The following XIRP2 variants were observed in gnomAD, a reference collection of about 807,000 sequenced individuals.
XIRP2 encodes xin actin binding repeat containing 2.
XIRP2 carries 236 observed loss-of-function variants against 277.0 expected under a neutral mutation model. That is an observed-to-expected ratio of 0.85 (90% CI 0.77 to 0.95). The LOEUF is 0.95. Ranked by LOEUF, XIRP2 falls within the 40% of genes least tolerant of loss-of-function variation. The pLI, the probability that XIRP2 is intolerant of heterozygous loss-of-function variation, is 0.00. For missense variants in XIRP2, 4,640 were observed against 4,157.5 expected (o/e 1.12, Z -3.19); for synonymous variants, 1,490 against 1,416.5 (o/e 1.05, Z -1.17).
At chr2:166,962,356 T>C (rs1274971130) in intron 2 of XIRP2, among the ~76,000 whole-genome samples, 1 of 151,628 alleles carries the variant, frequency 6.6e-6, no homozygotes, top group African/African-American at 2.4e-5. Flanking sequence ...ACCGTGCATA[T>C]GATGCAGTGA....
chr2:167,153,522 A>G (rs1692083745), intron 3 of XIRP2, among the ~76,000 whole-genome samples: 2 of 152,110 alleles, frequency 1.3e-5, no homozygotes, highest in South Asian at 4.2e-4. Context: ...CTCGTCATTT[A>G]GCATTAGGTA....
In XIRP2 at chr2:167,249,564, A is replaced by G. The variant is rs1231140859; in HGVS notation, c.8172A>G (p.Glu2724=). 1 of 1,613,728 alleles carries G rather than the reference A, an allele frequency of 6.2e-7. No homozygotes were observed. Among genetic ancestry groups the G allele is most frequent in the Admixed American group, 1.7e-5 (1 of 59,972 alleles). The part of the protein sequence containing the change: ...KLPTLDHTLN[E]TDHSYESHKQ... ...CAACTCTAGATCATACATTAAATGA[A>G]ACAGACCACAGCTATGAAAGTCATA... Residue 2724 remains glutamate, a synonymous_variant, in exon 9 of 11, where the codon GAA becomes GAG. Transcript: ENST00000409195.
chr2:167,031,267 G>T (rs1186525713), intron 2 of XIRP2, among the ~76,000 whole-genome samples: 1 of 152,026 alleles, frequency 6.6e-6, no homozygotes, highest in Non-Finnish European at 1.5e-5. Flanking sequence ...CCCATTAGTT[G>T]ATGCAGTTTC....
intron 2 of XIRP2, among the ~76,000 whole-genome samples, chr2:167,025,495 A>G (rs1047248774): frequency 1.3e-5 from 2 of 151,810 alleles, no homozygotes; most frequent in Non-Finnish European, 2.9e-5. Flanking sequence ...GCCTTCTGCT[A>G]GCTTTTGAAT....
intron 2 of XIRP2, among the ~76,000 whole-genome samples, chr2:166,962,810 G>T (rs939940348): frequency 2.0e-5 from 3 of 151,662 alleles, no homozygotes; most frequent in African/African-American, 7.3e-5. Flanking sequence ...TTCTAGAAAA[G>T]GTTGTAAATT....
chr2:167,124,794 G>A (rs1349329355), intron 2 of XIRP2, among the ~76,000 whole-genome samples: 1 of 152,126 alleles, frequency 6.6e-6, no homozygotes, highest in African/African-American at 2.4e-5. Context: ...GAAAATGGTG[G>A]CAAAGCGGGG....
intron 2 of XIRP2, among the ~76,000 whole-genome samples, chr2:166,921,456 G>T (rs999663455): frequency 2.0e-5 from 3 of 151,974 alleles, no homozygotes; most frequent in Non-Finnish European, 4.4e-5. Flanking sequence ...GCAATCATTT[G>T]TCCCTCTGCT....
intron 2 of XIRP2, among the ~76,000 whole-genome samples, chr2:167,069,759 C>T (rs1413127639): frequency 6.6e-6 from 1 of 152,156 alleles, no homozygotes; most frequent in African/African-American, 2.4e-5. Flanking sequence ...ACACAAAAGC[C>T]AGCTAACCTC....
chr2:167,243,930 A>G lies in XIRP2; in HGVS notation c.2538A>G (p.Glu846=). ...TDVSRKCWMF[E]TQPLDILKEV... ...TCTCCAGAAAGTGTTGGATGTTTGA[A>G]ACCCAGCCATTAGACATTCTAAAAG... Residue 846 remains glutamate (E), a synonymous_variant, in exon 9 of 11, where the codon GAA becomes GAG. Transcript: ENST00000409195. 6.2e-7 allele frequency: 1 copy of G among 1,614,070 alleles called. No homozygotes were observed. Among genetic ancestry groups the G allele is most frequent in the Non-Finnish European group, 8.5e-7 (1 of 1,179,970 alleles).
chr2:167,210,874 C>A lies in XIRP2; in HGVS notation c.702C>A (p.Asp234Glu), dbSNP rs371058689. The change falls in exon 4 of 11, where the codon GAC becomes GAA. Residue 234 changes from aspartate (D) to glutamate (E), a missense_variant. Transcript: ENST00000409195. ...ARYQAAVSRGDCRSFSANMME... is the reference protein window; with the variant it reads ...ARYQAAVSRGECRSFSANMME... ...ACCAGGCAGCTGTTTCCAGGGGTGA[C>A]TGCCGCAGCTTCTCTGCTAATGTAA... 9 of 1,614,112 alleles carry A rather than the reference C, an allele frequency of 5.6e-6. No individual in the cohort carries two copies. Among genetic ancestry groups the A allele is most frequent in the Non-Finnish European group, 6.8e-6 (8 of 1,179,988 alleles).
intron 3 of XIRP2, among the ~76,000 whole-genome samples, chr2:167,166,166 T>C (rs1019024528): frequency 1.3e-5 from 2 of 152,238 alleles, no homozygotes; most frequent in Non-Finnish European, 2.9e-5. Context: ...TCTATTTTCA[T>C]TTAGCTCAAA....
At chr2:166,934,710 C>A (rs1685443770) in intron 2 of XIRP2, among the ~76,000 whole-genome samples, 1 of 152,126 alleles carries the variant, frequency 6.6e-6, no homozygotes, top group Admixed American at 6.6e-5. Flanking sequence ...CTGCCACTTT[C>A]CTCTCAAAAA....
At chr2:167,079,055 G>A (rs962552314) in intron 2 of XIRP2, among the ~76,000 whole-genome samples, 7 of 152,048 alleles carry the variant, frequency 4.6e-5, no homozygotes, top group Admixed American at 6.5e-5. Flanking sequence ...TTTCCTGAGG[G>A]TTTTTATCAT....
chr2:167,243,399 G>A lies in XIRP2; in HGVS notation c.2007G>A (p.Met669Ile), dbSNP rs749630332. Reference sequence around the variant, plus strand: ...GGCCATTGGACTCAATGAATAAAATGCATCAAAGTCAAGAAGAATCAGCGG... The same window carrying A: ...GGCCATTGGACTCAATGAATAAAATACATCAAAGTCAAGAAGAATCAGCGG... The part of the protein sequence containing the change: ...ETRPLDSMNK[M>I]HQSQEESAVT... Residue 669 changes from methionine to isoleucine, a missense_variant, in exon 9 of 11, where the codon ATG (methionine) becomes ATA (isoleucine). Met to Ile is a conservative substitution (Grantham distance 10). Transcript: ENST00000409195. 22 of 1,613,884 alleles carry A rather than the reference G, an allele frequency of 1.4e-5. No individual in the cohort carries two copies. In the South Asian group the frequency reaches 2.3e-4, roughly 17 times the overall value.
chr2:166,935,049 A>G lies in XIRP2; in HGVS notation c.408+31159A>G, dbSNP rs185834309. ...CCTTCTCAGAAAAAAAAAAAGCACA[A>G]TGTGTGTGTAGATGCTTCGACAGTC... On this transcript the variant is annotated intron_variant, in intron 2 of 10. Transcript: ENST00000409195. 5.1e-4 allele frequency among the ~76,000 whole-genome samples: 77 copies of G among 151,902 alleles called. 1 individual carries two copies. In the East Asian group the frequency reaches 9.3e-3, roughly 18 times the overall value.
At chr2:166,933,227 C>A (rs1368217493) in intron 2 of XIRP2, among the ~76,000 whole-genome samples, 1 of 151,064 alleles carries the variant, frequency 6.6e-6, no homozygotes, top group Non-Finnish European at 1.5e-5. Flanking sequence ...TGGCTCATTG[C>A]AAGCTCCACC....
intron 9 of XIRP2, among the ~76,000 whole-genome samples, chr2:167,253,447 T>C (rs898989029): frequency 6.6e-6 from 1 of 151,842 alleles, no homozygotes. Context: ...AGGAGTCTCA[T>C]TGCATTACAA....
At chr2:167,110,102 A>G (rs1690714421) in intron 2 of XIRP2, among the ~76,000 whole-genome samples, 1 of 151,646 alleles carries the variant, frequency 6.6e-6, no homozygotes, top group Non-Finnish European at 1.5e-5. Flanking sequence ...GTTTGTAAAT[A>G]TTTTCTCCTA....
intron 2 of XIRP2, among the ~76,000 whole-genome samples, chr2:167,112,558 AT>A (rs1023285407): frequency 5.6e-5 from 8 of 143,886 alleles, no homozygotes; most frequent in Non-Finnish European, 7.5e-5. Context: ...ATATCTAGAT[AT>A]TTATATAGAG....
Sources: gnomAD v4.1 joint callset for allele counts (sites outside exome capture counted in the v4.1 genomes callset) on GRCh38, gnomAD v4.1.1 for gene constraint, MANE v1.5 for transcripts, NCBI Gene and HGNC (gene_info 2026-07-23, HGNC 2026-07-21) for gene names.